The following CTXN2 variants were observed in gnomAD, a reference collection of about 807,000 sequenced individuals.
CTXN2 encodes the protein cortexin 2.
CTXN2 carries 3 observed loss-of-function variants against 5.7 expected under a neutral mutation model. That is an observed-to-expected ratio of 0.53 (90% CI 0.24 to 1.36). CTXN2 has a LOEUF of 1.36. Among genes scored for constraint, CTXN2 ranks in the 40% most tolerant of loss-of-function variants. The probability of loss-of-function intolerance (pLI) is 0.17; values close to 1 mark genes in which losing one functional copy is unlikely to be tolerated. For missense variants in CTXN2, 87 were observed against 93.0 expected, an observed-to-expected ratio of 0.94 and a Z score of 0.26; for synonymous variants, 38 against 36.4, an observed-to-expected ratio of 1.04 and a Z score of -0.16.
rs2040933234 is a variant in CTXN2 at position 48,201,994 on chromosome 15, A to G, written c.*448A>G. On this transcript the variant is annotated 3_prime_UTR_variant, in exon 2 of 2. Coordinates refer to ENST00000417307, the MANE Select transcript of CTXN2 (RefSeq NM_001145668.2). ...AGAATAATCAAAATATTATTTGTCT[A>G]ATAATAACCATAGGCCCAAAAGGTT... 5.5e-6 allele frequency: 1 copy of G among 181,904 alleles called. No individual in the cohort carries two copies. The highest frequency in any genetic ancestry group is 1.3e-5 in the Non-Finnish European group (1 of 76,200). 11.3% of individuals were successfully genotyped at this position (181,904 alleles called of 1,614,324 possible).
chr15:48,188,551 G>C (rs1224909367), upstream of CTXN2, among the ~76,000 whole-genome samples: 1 of 152,148 alleles, frequency 6.6e-6, no homozygotes, highest in Non-Finnish European at 1.5e-5. Flanking sequence ...AGTAGATATA[G>C]AGCAGGTTGT....
chr15:48,188,321 A>G (rs547765651), upstream of CTXN2, among the ~76,000 whole-genome samples: 1 of 152,284 alleles, frequency 6.6e-6, no homozygotes, highest in South Asian at 2.1e-4. Flanking sequence ...GCTAAAATAA[A>G]TGCTAACTTT....
chr15:48,184,437 A>G (rs953977867), intron 1 of CTXN2, among the ~76,000 whole-genome samples: 2 of 152,220 alleles, frequency 1.3e-5, no homozygotes, highest in African/African-American at 4.8e-5. Context: ...AAGAAAATGG[A>G]AAGATAAGCC....
intron 1 of CTXN2, among the ~76,000 whole-genome samples, chr15:48,178,845 G>A (rs1298431067): frequency 6.6e-6 from 1 of 152,018 alleles, no homozygotes; most frequent in African/African-American, 2.4e-5. Flanking sequence ...GAATTTCTTT[G>A]AGAATTATTT....
rs139812569 is a variant in CTXN2, at chr15:48,203,413, T to G, written c.*1867T>G. On this transcript the variant is annotated 3_prime_UTR_variant, in exon 2 of 2. Coordinates refer to ENST00000417307, the MANE Select transcript of CTXN2 (RefSeq NM_001145668.2). ...TAGGCCTGGTACACCTCATAGCCAG[T>G]TAGTAACTTGGCCCAAGAACAGGCC... The G allele has an allele frequency of 6.0e-6, 1 of 167,206 alleles. No homozygotes were observed. Among genetic ancestry groups the G allele is most frequent in the African/African-American group, 2.4e-5 (1 of 41,576 alleles). The allele number at this position is 167,206 out of a possible 1,614,324, so 10.4% of individuals were successfully genotyped here.
intron 1 of CTXN2, among the ~76,000 whole-genome samples, chr15:48,195,657 C>T (rs12913316): frequency 0.82 from 124,104 of 152,162 alleles, 55,426 homozygotes; most frequent in Non-Finnish European, 1. Flanking sequence ...AGTTCAAATA[C>T]AATCTCTTGC....
upstream of CTXN2, among the ~76,000 whole-genome samples, chr15:48,187,296 C>T (rs1052715100): frequency 1.3e-5 from 2 of 149,114 alleles, no homozygotes; most frequent in African/African-American, 2.5e-5. Context: ...AATTACCAAA[C>T]ATCATCTAAA....
chr15:48,187,175 G>T (rs1188109342), upstream of CTXN2, among the ~76,000 whole-genome samples: 1 of 149,334 alleles, frequency 6.7e-6, no homozygotes, highest in African/African-American at 2.5e-5. Context: ...CCGAAACAAT[G>T]ATTAAAACTG....
At chr15:48,178,563 TCGCTTGG>T (rs893687335) in intron 1 of CTXN2, 2 of 296,710 alleles carry the variant, frequency 6.7e-6, no homozygotes, top group African/African-American at 4.4e-5. Context: ...AGCCCGCCTG[TCGCTTGG>T]CACCAGTGGA....
intron 1 of CTXN2, among the ~76,000 whole-genome samples, chr15:48,196,665 A>T (rs552130027): frequency 6.6e-6 from 1 of 152,252 alleles, no homozygotes; most frequent in South Asian, 2.1e-4. Context: ...TCATATTAGT[A>T]GCAAACTTTT....
rs2040935343 is a variant in CTXN2 at position 48,202,302 on chromosome 15, A to C, written c.*756A>C. ...CAAAGACAGTCTCAGCTGTGCCACC[A>C]GTAGAGCTATGCTCTAATGGGTAAG... On this transcript the variant is annotated 3_prime_UTR_variant, in exon 2 of 2. Transcript: ENST00000417307. 6.0e-6 allele frequency: 1 copy of C among 167,144 alleles called. No homozygotes were observed. Among genetic ancestry groups the C allele is most frequent in the Non-Finnish European group, 1.5e-5 (1 of 68,174 alleles). The allele number at this position is 167,144 out of a possible 1,614,324, so 10.4% of individuals were successfully genotyped here. A position where few individuals can be genotyped will look rare whatever the true frequency, so the allele number is the denominator to read the frequency against.
chr15:48,190,554 G>A (rs1305015215), upstream of CTXN2, among the ~76,000 whole-genome samples: 1 of 151,702 alleles, frequency 6.6e-6, no homozygotes, highest in African/African-American at 2.4e-5. Flanking sequence ...TAATCATGAA[G>A]TTTGTCTTCA....
At chr15:48,180,224 G>A (rs191739172) in intron 1 of CTXN2, among the ~76,000 whole-genome samples, 16 of 152,164 alleles carry the variant, frequency 1.1e-4, no homozygotes, top group African/African-American at 3.1e-4. Flanking sequence ...TGCCTCACCC[G>A]CTGTAGCTTG....
intron 1 of CTXN2, among the ~76,000 whole-genome samples, chr15:48,198,692 G>T (rs994978863): frequency 1.3e-5 from 2 of 152,042 alleles, no homozygotes; most frequent in Admixed American, 6.6e-5. Context: ...TTGTTTTGTT[G>T]GTTAGTAGGT....
At chr15:48,185,989 T>C (rs1422540784) in intron 1 of CTXN2, among the ~76,000 whole-genome samples, 1 of 152,230 alleles carries the variant, frequency 6.6e-6, no homozygotes, top group Non-Finnish European at 1.5e-5. Context: ...CTGAGTCCTA[T>C]TACAGAAGCA....
chr15:48,184,605 A>G (rs2040730457), intron 1 of CTXN2, among the ~76,000 whole-genome samples: 1 of 152,198 alleles, frequency 6.6e-6, no homozygotes. Context: ...AAACCACTAT[A>G]TATTATTGGA....
At chr15:48,200,000 A>T (rs759210582) in intron 1 of CTXN2, among the ~76,000 whole-genome samples, 17 of 152,200 alleles carry the variant, frequency 1.1e-4, no homozygotes, top group Non-Finnish European at 2.1e-4. Context: ...GATTGATATT[A>T]GTTGGTGTAT....
chr15:48,186,249 A>G lies in CTXN2; in HGVS notation c.-454-5208A>G, dbSNP rs563856620. 1.6e-4 allele frequency among the ~76,000 whole-genome samples: 25 copies of G among 152,330 alleles called. No individual in the cohort carries two copies. In the South Asian group the frequency reaches 5.0e-3, roughly 30 times the overall value. Reference sequence around the variant, plus strand: ...ATTAAATGAAATTTCATTTAAATAGAACACTCTGAACTGAAACATTTAGTA... The same window carrying G: ...ATTAAATGAAATTTCATTTAAATAGGACACTCTGAACTGAAACATTTAGTA... On this transcript the variant is annotated intron_variant, in intron 1 of 2. Coordinates refer to the CTXN2 transcript ENST00000644354.
chr15:48,197,251 T>C (rs1040764011), intron 1 of CTXN2, among the ~76,000 whole-genome samples: 2 of 152,042 alleles, frequency 1.3e-5, no homozygotes, highest in Admixed American at 1.3e-4. Flanking sequence ...TTCCAAATAT[T>C]TTCATGGTTC....
Sources: gnomAD v4.1 joint callset for allele counts (sites outside exome capture counted in the v4.1 genomes callset) on GRCh38, gnomAD v4.1.1 for gene constraint, MANE v1.5 for transcripts, NCBI Gene and HGNC (gene_info 2026-07-23, HGNC 2026-07-21) for gene names.